The following PRRC2C variants were observed in gnomAD, a reference collection of about 807,000 sequenced individuals.
PRRC2C encodes proline rich coiled-coil 2C.
In PRRC2C, 72 loss-of-function variants were observed where a neutral mutation model predicts 317.2. That is an observed-to-expected ratio of 0.23 (90% CI 0.19 to 0.28). The LOEUF is 0.28. Ranked by LOEUF, PRRC2C falls within the 10% of genes least tolerant of loss-of-function variation. The pLI, the probability that PRRC2C is intolerant of heterozygous loss-of-function variation, is 1.00. For missense variants in PRRC2C, 3,074 were observed against 3,459.7 expected (o/e 0.89, Z 2.80); for synonymous variants, 1,296 against 1,205.9 (o/e 1.07, Z -1.55).
rs1387331237 is a variant in PRRC2C at position 171,591,574 on chromosome 1, C to G, written c.8437-13C>G. 1.1e-5 allele frequency: 18 copies of G among 1,606,374 alleles called. No individual in the cohort carries two copies. Among genetic ancestry groups the G allele is most frequent in the Non-Finnish European group, 1.4e-5 (16 of 1,174,820 alleles). ...GCTGCAGTATTTTCAGTTGTTCTTT[C>G]TCATTTTTTAAGGCAAAGCAGAGAG... On this transcript the variant is annotated splice_polypyrimidine_tract_variant and intron_variant, in intron 34 of 34. Transcript: ENST00000647382.
chr1:171,551,558 T>C (rs983017601), intron 18 of PRRC2C, among the ~76,000 whole-genome samples: 1 of 152,222 alleles, frequency 6.6e-6, no homozygotes, highest in African/African-American at 2.4e-5. Context: ...CTGAATGGTA[T>C]GGCCTAGGTT....
At chr1:171,486,653 C>T (rs12401818) in intron 1 of PRRC2C, among the ~76,000 whole-genome samples, 23,198 of 152,118 alleles carry the variant, frequency 0.15, 2,371 homozygotes, top group East Asian at 0.45. Flanking sequence ...TGGTTTTCAG[C>T]CTGGGTTCAT....
chr1:171,534,843 A>G (rs1676524473), intron 12 of PRRC2C, among the ~76,000 whole-genome samples: 1 of 152,212 alleles, frequency 6.6e-6, no homozygotes, highest in Non-Finnish European at 1.5e-5. Flanking sequence ...ATTCATTACT[A>G]GTCATTTGAG....
At chr1:171,562,133 T>C (rs1257524830) in intron 20 of PRRC2C, among the ~76,000 whole-genome samples, 1 of 152,148 alleles carries the variant, frequency 6.6e-6, no homozygotes, top group Admixed American at 6.5e-5. Flanking sequence ...AATGCTTGAG[T>C]TAAAGACTTG....
rs772889986 is a variant in PRRC2C at position 171,540,150 on chromosome 1, C to T, written c.2684C>T (p.Ser895Phe). The T allele has an allele frequency of 1.9e-6, 3 of 1,613,894 alleles. No individual in the cohort carries two copies. Among genetic ancestry groups the T allele is most frequent in the Non-Finnish European group, 2.5e-6 (3 of 1,179,858 alleles). ...RPHHTDANNQ[S>F]ACFEAPDQKT... ...CACCATACTGATGCAAATAATCAGTCTGCTTGTTTTGAAGCACCTGATCAA... is the reference window on the plus strand; with the variant it reads ...CACCATACTGATGCAAATAATCAGTTTGCTTGTTTTGAAGCACCTGATCAA... The change falls in exon 16 of 35, where the codon TCT (serine) becomes TTT (phenylalanine). Residue 895 changes from serine to phenylalanine, a missense_variant. Physicochemically the swap from Ser to Phe is radical, Grantham distance 155. Coordinates refer to ENST00000647382, the MANE Select transcript of PRRC2C (RefSeq NM_001387844.1).
chr1:171,578,969 C>A (rs918726649), intron 26 of PRRC2C, among the ~76,000 whole-genome samples: 10 of 152,126 alleles, frequency 6.6e-5, no homozygotes, highest in African/African-American at 2.4e-4. Context: ...AAATGTCAAT[C>A]CTCTAAATAT....
chr1:171,555,682 A>G (rs1278648390), intron 18 of PRRC2C, among the ~76,000 whole-genome samples: 2 of 152,078 alleles, frequency 1.3e-5, no homozygotes, highest in East Asian at 1.9e-4. Context: ...TGTTGATGCT[A>G]TTCCTTTCTG....
At chr1:171,494,799 A>G (rs2102064999) in intron 1 of PRRC2C, among the ~76,000 whole-genome samples, 1 of 152,098 alleles carries the variant, frequency 6.6e-6, no homozygotes, top group Middle Eastern at 3.4e-3. Context: ...CAAGAAAGAA[A>G]CAGATTTCTC....
chr1:171,504,933 T>C (rs1219729467), intron 1 of PRRC2C, among the ~76,000 whole-genome samples: 1 of 152,198 alleles, frequency 6.6e-6, no homozygotes, highest in African/African-American at 2.4e-5. Flanking sequence ...TAAGTTCTTA[T>C]GCCATGTTTG....
rs1003287077 is a variant in PRRC2C at position 171,540,463 on chromosome 1, A to G, written c.2997A>G (p.Pro999=). 2 of 1,613,122 alleles carry G rather than the reference A, an allele frequency of 1.2e-6. No individual in the cohort carries two copies. Among genetic ancestry groups the G allele is most frequent in the Admixed American group, 3.3e-5 (2 of 59,830 alleles). The stretch of plus-strand genomic sequence containing the variant: ...CAGAAACTCGTTGGGGCCCACGACC[A>G]AGCTCTAACAGAAGGGAAGAAGTTA... ...SKSETRWGPR[P]SSNRREEVND... Residue 999 remains proline (P), a synonymous_variant, in exon 16 of 35, where the codon CCA becomes CCG. Coordinates refer to ENST00000647382, the MANE Select transcript of PRRC2C (RefSeq NM_001387844.1).
intron 1 of PRRC2C, among the ~76,000 whole-genome samples, chr1:171,496,438 A>T (rs1304899626): frequency 1.3e-5 from 2 of 151,944 alleles, no homozygotes; most frequent in African/African-American, 4.8e-5. Flanking sequence ...CCTGACCTCA[A>T]GTGATCCACC....
At chr1:171,522,415 A>C (rs1673746542) in intron 7 of PRRC2C, 156 bp downstream of exon 7, 1 of 413,770 alleles carries the variant, frequency 2.4e-6, no homozygotes, top group South Asian at 7.2e-5. Context: ...AACTCTTATA[A>C]GACAGAACAG....
chr1:171,514,456 C>A, intron 3 of PRRC2C, 80 bp from the exon 4 acceptor site: 2 of 1,119,382 alleles, frequency 1.8e-6, no homozygotes, highest in Non-Finnish European at 2.5e-6. Flanking sequence ...ATAATTTGTA[C>A]ACAGGTTTAC....
At chr1:171,580,243 A>T (rs1220055012) in intron 28 of PRRC2C, among the ~76,000 whole-genome samples, 1 of 152,224 alleles carries the variant, frequency 6.6e-6, no homozygotes, top group African/African-American at 2.4e-5. Flanking sequence ...GCTGCTAAAG[A>T]ACCTAAAAGT....
At chr1:171,493,106 T>A (rs1667486001) in intron 1 of PRRC2C, among the ~76,000 whole-genome samples, 1 of 43,280 alleles carries the variant, frequency 2.3e-5, no homozygotes, top group South Asian at 9.1e-4. Context: ...AGGAAATAGG[T>A]TTACATGTCT....
chr1:171,551,097 A>G (rs558252754), intron 18 of PRRC2C, among the ~76,000 whole-genome samples: 18 of 152,270 alleles, frequency 1.2e-4, no homozygotes, highest in African/African-American at 3.9e-4. Context: ...GTGTAAAAGC[A>G]TTCCTATTTC....
At chr1:171,528,535 C>T (rs1675150567) in intron 11 of PRRC2C, among the ~76,000 whole-genome samples, 1 of 152,108 alleles carries the variant, frequency 6.6e-6, no homozygotes, top group Non-Finnish European at 1.5e-5. Context: ...TCGTGATCCG[C>T]CCACCTTGGC....
At chr1:171,562,770 AAG>A (rs1376862533) in intron 20 of PRRC2C, among the ~76,000 whole-genome samples, 1 of 152,176 alleles carries the variant, frequency 6.6e-6, no homozygotes, top group Non-Finnish European at 1.5e-5. Context: ...TGTAGTTCAG[AAG>A]AGTTCATCTA....
At chr1:171,587,338 T>A in intron 31 of PRRC2C, 117 bp downstream of exon 31, 1 of 937,962 alleles carries the variant, frequency 1.1e-6, no homozygotes, top group Non-Finnish European at 1.6e-6. Flanking sequence ...CCTGCAAAAA[T>A]CTCAAACCCC....
Sources: gnomAD v4.1 joint callset for allele counts (sites outside exome capture counted in the v4.1 genomes callset) on GRCh38, gnomAD v4.1.1 for gene constraint, MANE v1.5 for transcripts, NCBI Gene and HGNC (gene_info 2026-07-23, HGNC 2026-07-21) for gene names.